ARID1A: variants seen among roughly 807,000 people sequenced by gnomAD.
ARID1A encodes AT-rich interactive domain-containing protein 1A.
Under a neutral mutation model 212.6 loss-of-function variants are expected in ARID1A, and 20 were observed. That is an observed-to-expected ratio of 0.09 (90% CI 0.07 to 0.14). ARID1A has a LOEUF of 0.14. Among genes scored for constraint, ARID1A ranks in the 10% least tolerant of loss-of-function variants. The pLI is 1.00. For synonymous variants in ARID1A, 1,376 were observed against 1,222.1 expected (o/e 1.13, Z -2.63); for missense variants, 2,587 against 3,059.0 (o/e 0.85, Z 3.64).
At chr1:26,773,127 C>T in intron 14 of ARID1A, 140 bp downstream of exon 14, 1 of 1,285,600 alleles carries the variant, frequency 7.8e-7, no homozygotes, top group Non-Finnish European at 1.1e-6. Context: ...TACCCCTCTT[C>T]ATCCTTACCT....
chr1:26,714,164 T>C (rs1381877861), intron 1 of ARID1A, among the ~76,000 whole-genome samples: 2 of 152,230 alleles, frequency 1.3e-5, no homozygotes, highest in Non-Finnish European at 2.9e-5. Context: ...AATAAGGTTC[T>C]GAAAAGACAG....
chr1:26,750,518 T>TC (rs1160166316), intron 4 of ARID1A, among the ~76,000 whole-genome samples: 3 of 151,750 alleles, frequency 2.0e-5, no homozygotes, highest in Non-Finnish European at 4.4e-5. Flanking sequence ...GAGAGTGGGG[T>TC]CCCTAAACAA....
At chr1:26,706,381 C>G (rs1342234371) in intron 1 of ARID1A, among the ~76,000 whole-genome samples, 1 of 152,150 alleles carries the variant, frequency 6.6e-6, no homozygotes, top group Admixed American at 6.5e-5. Flanking sequence ...CCCTTCTTTT[C>G]CCCTTAAGAT....
chr1:26,715,360 A>G (rs1343527341), intron 1 of ARID1A, among the ~76,000 whole-genome samples: 59 of 152,226 alleles, frequency 3.9e-4, no homozygotes, highest in Admixed American at 3.9e-3. Flanking sequence ...TAAGTGTACC[A>G]TATCACTTAA....
intron 1 of ARID1A, among the ~76,000 whole-genome samples, chr1:26,718,372 AG>A (rs1184946126): frequency 6.6e-6 from 1 of 152,234 alleles, no homozygotes; most frequent in African/African-American, 2.4e-5. Flanking sequence ...AAGGCACTGC[AG>A]GGGCAGAGCT....
Position 26,774,247 on chromosome 1 carries a change from G to C in ARID1A, c.4102-82G>C, listed in dbSNP as rs2124116415. Reference sequence around the variant, plus strand: ...TGGAGTCTGTGTCCACCAAGCATCTGGTTGTAGCCATCTTGGCATCTGTGG... The same window carrying C: ...TGGAGTCTGTGTCCACCAAGCATCTCGTTGTAGCCATCTTGGCATCTGTGG... On this transcript the variant is annotated intron_variant, in intron 17 of 19. Transcript: ENST00000324856. This position sits in a 1 kb window ranked among gnomAD's most constrained non-coding sequence, Gnocchi z 5.6. 6.7e-7 allele frequency: 1 copy of C among 1,502,256 alleles called. No individual in the cohort carries two copies. Among genetic ancestry groups the C allele is most frequent in the Non-Finnish European group, 8.9e-7 (1 of 1,127,812 alleles). The allele number at this position is 1,502,256 out of a possible 1,614,324, so 93.1% of individuals were successfully genotyped here.
At chr1:26,707,416 C>T (rs1428681762) in intron 1 of ARID1A, among the ~76,000 whole-genome samples, 2 of 151,838 alleles carry the variant, frequency 1.3e-5, no homozygotes, top group Non-Finnish European at 2.9e-5. Context: ...ATCATGCTGG[C>T]CAGGCTGGTC....
intron 1 of ARID1A, among the ~76,000 whole-genome samples, chr1:26,716,092 G>A (rs2080499895): frequency 6.6e-6 from 1 of 151,422 alleles, no homozygotes. Context: ...CGTAATCCCA[G>A]CTACTCAGGA....
chr1:26,752,064 A>G (rs2080889934), intron 4 of ARID1A, among the ~76,000 whole-genome samples: 1 of 152,214 alleles, frequency 6.6e-6, no homozygotes. Context: ...TTCCTGGAGT[A>G]GTTTCTGCTG....
chr1:26,731,678 T>G, intron 3 of ARID1A, 74 bp downstream of exon 3: 1 of 1,514,048 alleles, frequency 6.6e-7, no homozygotes, highest in Non-Finnish European at 9.1e-7. Context: ...CATGAGAACT[T>G]TGCTGTACAG....
At chr1:26,761,157 G>C (rs2124057849) in intron 5 of ARID1A, 61 bp downstream of exon 5, 1 of 1,590,116 alleles carries the variant, frequency 6.3e-7, no homozygotes, top group African/African-American at 1.3e-5. Flanking sequence ...TAATATTAAG[G>C]AGCCCTAGTC....
intron 1 of ARID1A, among the ~76,000 whole-genome samples, chr1:26,718,155 A>G (rs544405524): frequency 1.6e-4 from 24 of 152,136 alleles, no homozygotes; most frequent in Non-Finnish European, 3.1e-4. Context: ...TTGTATTTTT[A>G]GTAGAGACGC....
At chr1:26,718,122 GCACCACCA>G (rs1441121730) in intron 1 of ARID1A, among the ~76,000 whole-genome samples, 2 of 152,158 alleles carry the variant, frequency 1.3e-5, no homozygotes, top group East Asian at 3.9e-4. Flanking sequence ...TTACAGGCAT[GCACCACCA>G]CGCCCAGCTA....
chr1:26,765,068 G>A (rs891038309), intron 8 of ARID1A: 2 of 152,160 alleles, frequency 1.3e-5, no homozygotes, highest in African/African-American at 2.4e-5. Context: ...CATGGTGGTG[G>A]GCGCCTGTAA....
chr1:26,719,654 A>G (rs867770034), intron 1 of ARID1A, among the ~76,000 whole-genome samples: 30 of 152,082 alleles, frequency 2.0e-4, no homozygotes, highest in Admixed American at 5.2e-4. Flanking sequence ...AAAAGGTACA[A>G]CTGAGGCCGG....
rs1041517266 is a variant in ARID1A, at chr1:26,743,756, C to T, written c.1920+10964C>T. 4.9e-5 allele frequency among the ~76,000 whole-genome samples: 7 copies of T among 143,826 alleles called. No homozygotes were observed. The South Asian group carries it at 6.6e-4, about 13-fold the overall frequency. 94.4% of individuals were successfully genotyped at this position (143,826 alleles called of 152,430 possible). ...CTGAGGCAAGAGAATCGCTTGAACC[C>T]GGGAGGCAGAGGATGCAGTACTCCA... On this transcript the variant is annotated intron_variant, in intron 4 of 19. Coordinates refer to ENST00000324856, the MANE Select transcript of ARID1A (RefSeq NM_006015.6).
At chr1:26,739,663 G>A (rs889346320) in intron 4 of ARID1A, among the ~76,000 whole-genome samples, 2 of 152,188 alleles carry the variant, frequency 1.3e-5, no homozygotes, top group Non-Finnish European at 2.9e-5. Context: ...TCCTGTAGCT[G>A]TGGCCTCAGT....
chr1:26,761,273 C>T, intron 5 of ARID1A, 111 bp from the exon 6 acceptor site: 1 of 1,454,146 alleles, frequency 6.9e-7, no homozygotes, highest in Non-Finnish European at 9.4e-7. Flanking sequence ...GTGTGTGATA[C>T]TGGGAGGTAC....
chr1:26,759,670 A>G (rs933516717), intron 4 of ARID1A, among the ~76,000 whole-genome samples: 3 of 152,184 alleles, frequency 2.0e-5, no homozygotes, highest in Non-Finnish European at 4.4e-5. Context: ...AATATTTTTC[A>G]TATTGAGCTC....
Sources: allele counts gnomAD v4.1 joint callset (sites outside exome capture counted in the v4.1 genomes callset), GRCh38; gene constraint gnomAD v4.1.1; non-coding constraint Gnocchi (gnomAD v3.1); transcripts MANE v1.5; gene names NCBI Gene and HGNC (gene_info 2026-07-23, HGNC 2026-07-21).